The following CHIT1 variants were observed in gnomAD, a reference collection of about 807,000 sequenced individuals.
CHIT1 encodes chitinase 1.
Under a neutral mutation model 52.0 loss-of-function variants are expected in CHIT1, and 47 were observed. That is an observed-to-expected ratio of 0.90 (90% CI 0.71 to 1.15). CHIT1 has a LOEUF of 1.15. CHIT1 is among the 50% of genes most tolerant of loss of function. The pLI, the probability that CHIT1 is intolerant of heterozygous loss-of-function variation, is 0.00. For synonymous variants in CHIT1, 242 were observed against 228.2 expected (o/e 1.06, Z -0.54); for missense variants, 569 against 583.0 (o/e 0.98, Z 0.25).
In CHIT1 at chr1:203,219,740, C is replaced by G. The variant is rs1422590942; in HGVS notation, c.839G>C (p.Arg280Thr). 1.9e-6 allele frequency: 3 copies of G among 1,613,854 alleles called. No individual in the cohort carries two copies. Among genetic ancestry groups the G allele is most frequent in the East Asian group, 4.5e-5 (2 of 44,886 alleles). The change falls in exon 8 of 11, where the codon AGA becomes ACA. Residue 280 changes from arginine (R) to threonine (T), a missense_variant. Physicochemically the swap from Arg to Thr is moderately conservative, Grantham distance 71. Coordinates refer to ENST00000367229, the MANE Select transcript of CHIT1 (RefSeq NM_003465.3). ...AGACCCTGTGGCTGGGGCCCCCACT[C>G]TGGTGTCTGATGAGGAGGCCAGTGT... ...SFTLASSSDT[R>T]VGAPATGSGT...
At chr1:203,222,937 G>A (rs930691406) in intron 6 of CHIT1, among the ~76,000 whole-genome samples, 198 bp downstream of exon 6, 1 of 152,200 alleles carries the variant, frequency 6.6e-6, no homozygotes, top group Non-Finnish European at 1.5e-5. Context: ...TGGACACTGA[G>A]CAAAGCCTTT....
chr1:203,219,170 A>C, intron 9 of CHIT1, 46 bp downstream of exon 9: 1 of 955,876 alleles, frequency 1.0e-6, no homozygotes. Flanking sequence ...CATTGACAGG[A>C]CTTGTTCACT....
At chr1:203,228,290 C>T (rs577289840) in intron 2 of CHIT1, among the ~76,000 whole-genome samples, 2 of 152,344 alleles carry the variant, frequency 1.3e-5, no homozygotes, top group Non-Finnish European at 1.5e-5. Context: ...AAGGAAAGCC[C>T]TGAAAGAGGC....
chr1:203,228,717 C>T (rs1308366283), intron 1 of CHIT1, among the ~76,000 whole-genome samples, 155 bp from the exon 2 acceptor site: 6 of 152,102 alleles, frequency 3.9e-5, no homozygotes, highest in Non-Finnish European at 8.8e-5. Flanking sequence ...GGCACTGTGC[C>T]CATCCCTTCA....
Position 203,216,083 on chromosome 1 carries a change from G to A in CHIT1, c.*806C>T, listed in dbSNP as rs189281147. Reference sequence around the variant, plus strand: ...GGTGCAGCCCAAAGCAGCCAGGAATGTTGGGATGACTTTATTTAACCAGGA... The same window carrying A: ...GGTGCAGCCCAAAGCAGCCAGGAATATTGGGATGACTTTATTTAACCAGGA... On this transcript the variant is annotated 3_prime_UTR_variant, in exon 11 of 11. Transcript: ENST00000367229. 6.3e-4 allele frequency: 287 copies of A among 453,348 alleles called. 1 individual carries two copies. The highest frequency in any genetic ancestry group is 5.3e-3 in the African/African-American group (267 of 50,114). The allele number at this position is 453,348 out of a possible 1,614,324, so 28.1% of individuals were successfully genotyped here.
chr1:203,228,306 C>T (rs984732028), intron 2 of CHIT1, among the ~76,000 whole-genome samples: 33 of 152,206 alleles, frequency 2.2e-4, no homozygotes, highest in African/African-American at 6.5e-4. Context: ...GAGGCTGATG[C>T]GCAAGCTGGC....
chr1:203,225,769 G>A lies in CHIT1; in HGVS notation c.157C>T (p.His53Tyr), dbSNP rs779498159. 1.6e-5 allele frequency: 26 copies of A among 1,613,990 alleles called. No homozygotes were observed. The highest frequency in any genetic ancestry group is 2.0e-5 in the Non-Finnish European group (24 of 1,180,006). Reference sequence around the variant, plus strand: ...ATGCCAGCGAAGGCGTAGATGAGGTGGGTGCAAAGGCTGGGGTCCAAGTCC... The same window carrying A: ...ATGCCAGCGAAGGCGTAGATGAGGTAGGTGCAAAGGCTGGGGTCCAAGTCC... ...PKDLDPSLCT[H>Y]LIYAFAGMTN... The change falls in exon 3 of 11, where the codon CAC becomes TAC. Residue 53 changes from histidine (H) to tyrosine (Y), a missense_variant. Physicochemically the swap from His to Tyr is moderately conservative, Grantham distance 83 (BLOSUM62 2). Transcript: ENST00000367229.
At chr1:203,227,822 G>A (rs1283407156) in intron 2 of CHIT1, among the ~76,000 whole-genome samples, 9 of 152,104 alleles carry the variant, frequency 5.9e-5, no homozygotes, top group Non-Finnish European at 1.2e-4. Flanking sequence ...CTGTGCCCCC[G>A]GCTGTTCCAT....
chr1:203,222,239 C>T lies in CHIT1; in HGVS notation c.692G>A (p.Arg231Lys), dbSNP rs376332725. The change falls in exon 7 of 11, where the codon AGG becomes AAG. Residue 231 changes from arginine (R) to lysine (K), a missense_variant. Arg to Lys is a conservative substitution (Grantham distance 26). Coordinates refer to ENST00000367229, the MANE Select transcript of CHIT1 (RefSeq NM_003465.3). ...GGCTGCTGCACCACTCTCTTCTTGC[C>T]TCTTGTAGAGGGGGCTGTTATGTCC... is the stretch of plus-strand genomic sequence containing the variant. ...VTGHNSPLYK[R>K]QEESGAAASL... is the part of the protein sequence containing the mutation. 1 of 1,614,068 alleles carries T rather than the reference C, an allele frequency of 6.2e-7. No individual in the cohort carries two copies. The highest frequency in any genetic ancestry group is 8.5e-7 in the Non-Finnish European group (1 of 1,180,058).
chr1:203,217,345 T>G lies in CHIT1; in HGVS notation c.1157-212A>C, dbSNP rs770152613. 5.3e-6 allele frequency: 8 copies of G among 1,517,604 alleles called. No homozygotes were observed. The South Asian group carries it at 9.6e-5, about 18-fold the overall frequency. The allele number at this position is 1,517,604 out of a possible 1,614,324, so 94.0% of individuals were successfully genotyped here. On this transcript the variant is annotated intron_variant, in intron 10 of 10. Coordinates refer to ENST00000367229, the MANE Select transcript of CHIT1 (RefSeq NM_003465.3). ...GCCACAGGCAACACCTGGCCTCACA[T>G]GTGACAGGCAGTTAAGGCTTTACCC... is the stretch of plus-strand genomic sequence containing the variant.
intron 10 of CHIT1, 100 bp from the exon 11 acceptor site, chr1:203,217,233 C>T: frequency 6.3e-7 from 1 of 1,591,836 alleles, no homozygotes; most frequent in Non-Finnish European, 8.5e-7. Flanking sequence ...AGCAGCCCAG[C>T]ACCACATGCC....
chr1:203,229,831 T>G (rs575454143), upstream of CHIT1: 5 of 678,512 alleles, frequency 7.4e-6, no homozygotes, highest in Admixed American at 1.0e-4. Context: ...CAATGGCCTT[T>G]AGCAATTCTT....
At position 203,216,813 on chromosome 1, in the gene CHIT1, G is replaced by C; in HGVS notation, c.*76C>G. 4 of 1,604,382 alleles carry C rather than the reference G, an allele frequency of 2.5e-6. No individual in the cohort carries two copies. In the East Asian group the frequency reaches 6.7e-5, roughly 27 times the overall value. Reference sequence around the variant, plus strand: ...TGCAGGAGCCAGATTGCGGCCCCCAGGGAAAACCCAGGAGGCAGGCTGTAG... The same window carrying C: ...TGCAGGAGCCAGATTGCGGCCCCCACGGAAAACCCAGGAGGCAGGCTGTAG... On this transcript the variant is annotated 3_prime_UTR_variant, in exon 11 of 11. Transcript: ENST00000367229.
At chr1:203,222,616 A>G (rs1656779466) in intron 6 of CHIT1, among the ~76,000 whole-genome samples, 1 of 152,144 alleles carries the variant, frequency 6.6e-6, no homozygotes, top group Non-Finnish European at 1.5e-5. Context: ...CTACATTGCT[A>G]TTCTGGAGGG....
At chr1:203,228,363 C>T (rs1203079753) in intron 2 of CHIT1, among the ~76,000 whole-genome samples, 170 bp downstream of exon 2, 1 of 152,232 alleles carries the variant, frequency 6.6e-6, no homozygotes. Context: ...AGGCAAGAGC[C>T]TTCCTGGGAG....
At position 203,219,202 on chromosome 1, in the gene CHIT1, G is replaced by A; in HGVS notation, c.1029+14C>T. Reference sequence around the variant, plus strand: ...CACTAGGACCACCCCTCTGCCAGCAGAGCTGGGCCTCACCTTGGTTTTGAA... The same window carrying A: ...CACTAGGACCACCCCTCTGCCAGCAAAGCTGGGCCTCACCTTGGTTTTGAA... On this transcript the variant is annotated intron_variant, in intron 9 of 10. Transcript: ENST00000367229. 2 of 1,428,624 alleles carry A rather than the reference G, an allele frequency of 1.4e-6. No homozygotes were observed. Among genetic ancestry groups the A allele is most frequent in the Non-Finnish European group, 2.0e-6 (2 of 1,010,364 alleles). 88.5% of individuals were successfully genotyped at this position (1,428,624 alleles called of 1,614,324 possible). A position where few individuals can be genotyped will look rare whatever the true frequency, so the allele number is the denominator to read the frequency against.
chr1:203,217,075 G>C lies in CHIT1; in HGVS notation c.1215C>G (p.Pro405=). The C allele has an allele frequency of 3.7e-6, 6 of 1,613,114 alleles. No homozygotes were observed. The highest frequency in any genetic ancestry group is 5.1e-6 in the Non-Finnish European group (6 of 1,180,042). ...PELEVPKPGQ[P]SEPEHGPSPG... ...GGCTGGGGCCATGCTCAGGTTCAGA[G>C]GGCTGACCTGGTTTTGGAACTTCAA... is the stretch of plus-strand genomic sequence containing the variant. Residue 405 remains proline, a synonymous_variant, in exon 11 of 11, where the codon CCC becomes CCG. Transcript: ENST00000367229.
At chr1:203,220,353 T>C (rs1305896839) in intron 7 of CHIT1, among the ~76,000 whole-genome samples, 1 of 152,244 alleles carries the variant, frequency 6.6e-6, no homozygotes, top group African/African-American at 2.4e-5. Context: ...ATCGTTATCA[T>C]GATTGTTGTC....
At chr1:203,219,354 G>GGGA (rs1269390046) in intron 8 of CHIT1, 25 bp from the exon 9 acceptor site, 1 of 1,273,070 alleles carries the variant, frequency 7.9e-7, no homozygotes. Flanking sequence ...GGCAGCACTG[G>GGGA]GGAGGAGGAG....
Sources: allele counts gnomAD v4.1 joint callset (sites outside exome capture counted in the v4.1 genomes callset), GRCh38; gene constraint gnomAD v4.1.1; transcripts MANE v1.5; gene names NCBI Gene and HGNC (gene_info 2026-07-23, HGNC 2026-07-21).